The following TASP1 variants were observed in gnomAD, a reference collection of about 807,000 sequenced individuals.
TASP1 encodes taspase 1.
TASP1 carries 16 observed loss-of-function variants against 56.6 expected under a neutral mutation model. That is an observed-to-expected ratio of 0.28 (90% CI 0.19 to 0.43). The LOEUF is 0.43. Ranked by LOEUF, TASP1 falls within the 20% of genes least tolerant of loss-of-function variation. TASP1 has a pLI of 1.00. For missense variants in TASP1, 393 were observed against 511.6 expected (o/e 0.77, Z 2.24); for synonymous variants, 179 against 184.2 (o/e 0.97, Z 0.23).
chr20:13,317,820 C>T, the TASP1 span, among the ~76,000 whole-genome samples: 3 of 151,902 alleles, frequency 2.0e-5, no homozygotes, highest in Admixed American at 2.0e-4. Context: ...AAATGTGAAA[C>T]ATAAGATTAT....
chr20:13,462,620 C>T (rs1181868462), intron 11 of TASP1, among the ~76,000 whole-genome samples: 1 of 152,086 alleles, frequency 6.6e-6, no homozygotes, highest in Non-Finnish European at 1.5e-5. Flanking sequence ...TTATACATTC[C>T]TGTTCTCAAA....
intron 4 of TASP1, among the ~76,000 whole-genome samples, chr20:13,611,368 G>C (rs538615434): frequency 1.7e-4 from 26 of 152,210 alleles, no homozygotes; most frequent in African/African-American, 5.8e-4. Context: ...CGAGGTTTTT[G>C]ATCTGCTTTA....
At chr20:13,596,817 T>G (rs924313297) in intron 4 of TASP1, among the ~76,000 whole-genome samples, 2 of 151,062 alleles carry the variant, frequency 1.3e-5, no homozygotes, top group Non-Finnish European at 2.9e-5. Flanking sequence ...GAGAGAAGAA[T>G]CAAATAGATG....
At chr20:13,527,204 G>C (rs1189036519) in intron 10 of TASP1, among the ~76,000 whole-genome samples, 1 of 152,116 alleles carries the variant, frequency 6.6e-6, no homozygotes, top group Non-Finnish European at 1.5e-5. Flanking sequence ...AGGGTTCCAG[G>C]ATCTATGCTA....
intron 7 of TASP1, among the ~76,000 whole-genome samples, chr20:13,561,120 A>G (rs1246084316): frequency 1.3e-5 from 2 of 152,224 alleles, no homozygotes; most frequent in Non-Finnish European, 2.9e-5. Context: ...CGATCCTTCA[A>G]AAATGAGGGG....
intron 10 of TASP1, among the ~76,000 whole-genome samples, chr20:13,503,755 A>G (rs2044029933): frequency 6.6e-6 from 1 of 152,146 alleles, no homozygotes; most frequent in African/African-American, 2.4e-5. Flanking sequence ...GAAATTTAAT[A>G]AAAAGATTAA....
At chr20:13,595,570 G>A (rs2047697184) in intron 4 of TASP1, among the ~76,000 whole-genome samples, 1 of 152,168 alleles carries the variant, frequency 6.6e-6, no homozygotes, top group Non-Finnish European at 1.5e-5. Flanking sequence ...AGCAGGGGTT[G>A]CAATCCTAGT....
intron 8 of TASP1, among the ~76,000 whole-genome samples, chr20:13,558,189 T>A (rs1467024148): frequency 6.6e-6 from 1 of 152,130 alleles, no homozygotes; most frequent in Non-Finnish European, 1.5e-5. Context: ...ACAGAAGAAC[T>A]AAACAATAAA....
At chr20:13,126,569 G>A in the TASP1 span, 4 of 1,611,100 alleles carry the variant, frequency 2.5e-6, no homozygotes, top group Non-Finnish European at 3.4e-6. Flanking sequence ...CCTTCTTTTT[G>A]GGTTTCCCCT....
Position 13,637,680 on chromosome 20 carries a change from A to C in TASP1, c.-75+1214T>G, listed in dbSNP as rs553528584. Among the ~76,000 whole-genome samples, 8 of 152,322 alleles carry C rather than the reference A, an allele frequency of 5.3e-5. No homozygotes were observed. In the South Asian group the frequency reaches 1.7e-3, roughly 32 times the overall value. On this transcript the variant is annotated intron_variant, in intron 1 of 13. Coordinates refer to ENST00000337743, the MANE Select transcript of TASP1 (RefSeq NM_017714.3). ...CATTTATATGAAATGCCAGTATAGG[A>C]AAATCCATAGATACAGAAAGTAGAT...
intron 2 of TASP1, among the ~76,000 whole-genome samples, chr20:13,628,954 G>C (rs1346901661): frequency 6.6e-6 from 1 of 152,154 alleles, no homozygotes; most frequent in East Asian, 1.9e-4. Context: ...AAAAGCACTA[G>C]ACTGAGACAT....
At chr20:13,494,963 C>T (rs1461488244) in intron 10 of TASP1, among the ~76,000 whole-genome samples, 1 of 150,326 alleles carries the variant, frequency 6.7e-6, no homozygotes, top group African/African-American at 2.5e-5. Flanking sequence ...AAAAAAAAAA[C>T]CAAAGCCAAA....
intron 11 of TASP1, among the ~76,000 whole-genome samples, chr20:13,475,243 T>G (rs1249498662): frequency 6.6e-6 from 1 of 152,234 alleles, no homozygotes; most frequent in African/African-American, 2.4e-5. Context: ...GGTGGCATAC[T>G]GACTGCATTC....
Position 13,508,572 on chromosome 20 carries a change from A to T in TASP1, c.874+19861T>A, listed in dbSNP as rs539750376. On this transcript the variant is annotated intron_variant, in intron 10 of 13. Transcript: ENST00000337743. ...TGGTGCCCAGCATTTCAGATAAAGG[A>T]TACTCAATCTGTAGCCAATAAGGGA... 3.3e-5 allele frequency among the ~76,000 whole-genome samples: 5 copies of T among 152,328 alleles called. No homozygotes were observed. The South Asian group carries it at 1.0e-3, about 32-fold the overall frequency.
At chr20:13,382,059 G>A in the TASP1 span, among the ~76,000 whole-genome samples, 1 of 152,268 alleles carries the variant, frequency 6.6e-6, no homozygotes, top group East Asian at 1.9e-4. Flanking sequence ...TGGTGAGATA[G>A]AGTAGGACTT....
rs373750903 is a variant in TASP1, at chr20:13,440,578, AT to A, written c.986-5425del. Among the ~76,000 whole-genome samples, 688 of 141,248 alleles carry A rather than the reference AT, an allele frequency of 4.9e-3. 3 individuals are homozygous for A. The highest frequency in any genetic ancestry group is 0.011 in the East Asian group (59 of 5,172). The allele number at this position is 141,248 out of a possible 152,430, so 92.7% of individuals were successfully genotyped here. On this transcript the variant is annotated intron_variant, in intron 11 of 13. Coordinates refer to ENST00000337743, the MANE Select transcript of TASP1 (RefSeq NM_017714.3). ...TGAAAGAGTGACTATTACCAAAAAA[AT>A]AATAAGACTTGTACAAGAAATGAAA... is the stretch of plus-strand genomic sequence containing the variant.
At position 13,555,338 on chromosome 20, in the gene TASP1, C is replaced by T. The variant is rs747637774; in HGVS notation, c.675+3670G>A. On this transcript the variant is annotated intron_variant, in intron 8 of 13. Coordinates refer to ENST00000337743, the MANE Select transcript of TASP1 (RefSeq NM_017714.3). ...GGCGGAGGTTGCAGTGAGCCAAGAT[C>T]GTGCCACTGCACTCCAGCCTGAGCA... Among the ~76,000 whole-genome samples the T allele has an allele frequency of 6.0e-5, 8 of 133,054 alleles. 1 individual carries two copies. The Admixed American group carries it at 6.9e-4, about 12-fold the overall frequency. 87.3% of individuals were successfully genotyped at this position (133,054 alleles called of 152,430 possible).
chr20:13,373,474 G>T, the TASP1 span, among the ~76,000 whole-genome samples: 1 of 144,052 alleles, frequency 6.9e-6, no homozygotes. Flanking sequence ...TTTTTTTCTG[G>T]ATATGTCTTG....
At chr20:13,538,235 C>T (rs866622062) in intron 8 of TASP1, among the ~76,000 whole-genome samples, 2 of 152,148 alleles carry the variant, frequency 1.3e-5, no homozygotes, top group Non-Finnish European at 2.9e-5. Context: ...AACTCCTGAC[C>T]TCAGGCTATC....
Sources: allele counts gnomAD v4.1 joint callset (sites outside exome capture counted in the v4.1 genomes callset), GRCh38; gene constraint gnomAD v4.1.1; transcripts MANE v1.5; gene names NCBI Gene and HGNC (gene_info 2026-07-23, HGNC 2026-07-21).